SPAG16: variants seen among roughly 807,000 people sequenced by gnomAD.
SPAG16 encodes sperm associated antigen 16, also known as sperm-associated antigen 16 protein.
A neutral mutation model predicts 80.4 loss-of-function variants in SPAG16; 86 were observed. The ratio of observed to expected loss-of-function variants is 1.07; its 90% CI spans 0.90 to 1.28. The LOEUF (loss-of-function observed/expected upper bound fraction) is 1.28, where lower values mean the gene tolerates loss of function less well. SPAG16 is among the 50% of genes most tolerant of loss of function. SPAG16 has a pLI of 0.00. For synonymous variants in SPAG16, 294 were observed against 265.9 expected (o/e 1.11, Z -1.03); for missense variants, 870 against 765.3 (o/e 1.14, Z -1.61).
intron 9 of SPAG16, among the ~76,000 whole-genome samples, chr2:213,400,826 A>G (rs1181862317): frequency 2.0e-5 from 3 of 151,728 alleles, no homozygotes; most frequent in African/African-American, 7.3e-5. Flanking sequence ...CTTTTTTTTG[A>G]GACAGGGTGT....
chr2:213,774,198 C>A (rs933283228), intron 10 of SPAG16, among the ~76,000 whole-genome samples: 1 of 152,130 alleles, frequency 6.6e-6, no homozygotes, highest in Non-Finnish European at 1.5e-5. Flanking sequence ...TTTCTTAGGG[C>A]TGCTGTAACA....
intron 12 of SPAG16, among the ~76,000 whole-genome samples, chr2:213,976,798 C>A (rs897423111): frequency 6.6e-6 from 1 of 151,998 alleles, no homozygotes; most frequent in Non-Finnish European, 1.5e-5. Flanking sequence ...CTGCCAACAA[C>A]TTGAATGAGT....
At chr2:213,546,426 T>C (rs1248625454) in intron 10 of SPAG16, among the ~76,000 whole-genome samples, 5 of 152,208 alleles carry the variant, frequency 3.3e-5, no homozygotes, top group Admixed American at 1.3e-4. Flanking sequence ...ACAATGCATT[T>C]ATTTATAGTG....
rs546541839 is a variant in SPAG16, at chr2:213,338,514, A to T, written c.537-1649A>T. ...CATAGACTTAATCCCATTACTGGGT[A>T]TATACCCAAAGGAATATAAATCATT... On this transcript the variant is annotated intron_variant, in intron 5 of 15. Transcript: ENST00000331683. 2.0e-5 allele frequency among the ~76,000 whole-genome samples: 3 copies of T among 152,212 alleles called. No homozygotes were observed. The East Asian group carries it at 5.8e-4, about 29-fold the overall frequency.
chr2:214,021,615 C>T (rs933609389), intron 13 of SPAG16, among the ~76,000 whole-genome samples: 5 of 152,056 alleles, frequency 3.3e-5, no homozygotes, highest in Non-Finnish European at 5.9e-5. Flanking sequence ...GGACACAGAG[C>T]CAAACCTTAT....
chr2:214,348,911 G>T (rs1409674694), intron 15 of SPAG16, among the ~76,000 whole-genome samples: 1 of 152,058 alleles, frequency 6.6e-6, no homozygotes, highest in East Asian at 1.9e-4. Flanking sequence ...TTTCCAAATT[G>T]TTTTGTTAGT....
At chr2:214,077,434 AAGT>A (rs2051136035) in intron 13 of SPAG16, among the ~76,000 whole-genome samples, 1 of 152,226 alleles carries the variant, frequency 6.6e-6, no homozygotes, top group South Asian at 2.1e-4. Flanking sequence ...CTCAAAACAA[AAGT>A]AGAGTTAAAG....
At chr2:213,744,000 TAG>T in intron 10 of SPAG16, among the ~76,000 whole-genome samples, 1 of 152,224 alleles carries the variant, frequency 6.6e-6, no homozygotes, top group Admixed American at 6.5e-5. Flanking sequence ...AGTTATATTT[TAG>T]TGTGAGCATC....
In SPAG16 at chr2:213,660,562, C is replaced by G. The variant is rs962441188; in HGVS notation, c.1070+170472C>G. ...AAACCCCTTGTAGCCTTTGGAACAG[C>G]AAGCTCTGTGCCAAAGGGTAGAAGG... On this transcript the variant is annotated intron_variant, in intron 10 of 15. Transcript: ENST00000331683. Among the ~76,000 whole-genome samples the G allele has an allele frequency of 5.3e-5, 8 of 152,078 alleles. 1 individual carries two copies. The highest frequency in any genetic ancestry group is 1.9e-4 in the African/African-American group (8 of 41,400).
intron 10 of SPAG16, among the ~76,000 whole-genome samples, chr2:213,824,912 G>A (rs1453240360): frequency 1.3e-5 from 2 of 151,872 alleles, no homozygotes; most frequent in Non-Finnish European, 2.9e-5. Context: ...TCTTGAATCA[G>A]TGTTCTAGTT....
intron 10 of SPAG16, among the ~76,000 whole-genome samples, chr2:213,678,251 C>G (rs1265970517): frequency 1.3e-5 from 2 of 151,928 alleles, no homozygotes; most frequent in Admixed American, 6.6e-5. Flanking sequence ...CAGCAGACGG[C>G]AAGAAATAAC....
rs183521047 is a variant in SPAG16 at position 214,232,180 on chromosome 2, T to C, written c.1720+82914T>C. The stretch of plus-strand genomic sequence containing the variant: ...GCAGTCATAGTTAAGGAAGAAGTTG[T>C]AGAAAAAAAGTAAACATATGGTAGA... On this transcript the variant is annotated intron_variant, in intron 15 of 15. Transcript: ENST00000331683. 1.5e-4 allele frequency among the ~76,000 whole-genome samples: 23 copies of C among 152,116 alleles called. No individual in the cohort carries two copies. The East Asian group carries it at 3.5e-3, about 23-fold the overall frequency.
At chr2:213,598,360 C>T in intron 10 of SPAG16, among the ~76,000 whole-genome samples, 1 of 152,130 alleles carries the variant, frequency 6.6e-6, no homozygotes, top group South Asian at 2.1e-4. Flanking sequence ...TTTACCTATA[C>T]AGTGAGTAGT....
chr2:213,284,537 G>C lies in SPAG16; in HGVS notation c.54G>C (p.Ala18=). 1 of 1,601,542 alleles carries C rather than the reference G, an allele frequency of 6.2e-7. No individual in the cohort carries two copies. The highest frequency in any genetic ancestry group is 8.5e-7 in the Non-Finnish European group (1 of 1,174,380). Reference sequence around the variant, plus strand: ...CCGCCGTGAGGGTCCTGGAAGAGGCGTTGGGCATGGGTTTGACGGCAGCCG... The same window carrying C: ...CCGCCGTGAGGGTCCTGGAAGAGGCCTTGGGCATGGGTTTGACGGCAGCCG... The part of the protein sequence containing the change: ...PSSAVRVLEE[A]LGMGLTAAGD... The change falls in exon 1 of 16, where the codon GCG becomes GCC. Residue 18 remains alanine (A), a synonymous_variant. Transcript: ENST00000331683.
chr2:213,702,556 G>A (rs987202462), intron 10 of SPAG16, among the ~76,000 whole-genome samples: 4 of 152,116 alleles, frequency 2.6e-5, no homozygotes, highest in South Asian at 2.1e-4. Flanking sequence ...TGAAGTTGGC[G>A]AGACCAAGAA....
At chr2:214,059,479 G>A (rs999022561) in intron 13 of SPAG16, among the ~76,000 whole-genome samples, 2 of 151,372 alleles carry the variant, frequency 1.3e-5, no homozygotes, top group Admixed American at 6.6e-5. Flanking sequence ...TTTGTTCTAA[G>A]TTATTTCTTC....
chr2:213,549,021 C>A (rs949219447), intron 10 of SPAG16, among the ~76,000 whole-genome samples: 10 of 151,560 alleles, frequency 6.6e-5, no homozygotes, highest in Non-Finnish European at 1.5e-5. Context: ...TATAATTATT[C>A]TTTTCTCGTT....
intron 13 of SPAG16, among the ~76,000 whole-genome samples, chr2:214,096,831 GGTTA>G (rs1559787742): frequency 6.6e-6 from 1 of 151,866 alleles, no homozygotes; most frequent in Non-Finnish European, 1.5e-5. Context: ...TCACAGATAT[GGTTA>G]GTTATTTACA....
intron 15 of SPAG16, among the ~76,000 whole-genome samples, chr2:214,409,134 C>T (rs1489682282): frequency 6.6e-6 from 1 of 151,432 alleles, no homozygotes; most frequent in Non-Finnish European, 1.5e-5. Flanking sequence ...AACGATCATT[C>T]AGAATTATCC....
Sources: allele counts gnomAD v4.1 joint callset (sites outside exome capture counted in the v4.1 genomes callset), GRCh38; gene constraint gnomAD v4.1.1; transcripts MANE v1.5; gene names NCBI Gene and HGNC (gene_info 2026-07-23, HGNC 2026-07-21).